AXDND1: variants seen among roughly 807,000 people sequenced by gnomAD.
AXDND1 encodes axonemal dynein light chain domain containing 1.
In AXDND1, 110 loss-of-function variants were observed where a neutral mutation model predicts 137.5. The ratio of observed to expected loss-of-function variants is 0.80; its 90% CI spans 0.69 to 0.94. The LOEUF is 0.94. Ranked by LOEUF, AXDND1 falls within the 40% of genes least tolerant of loss-of-function variation. The pLI, the probability that AXDND1 is intolerant of heterozygous loss-of-function variation, is 0.00. For missense variants in AXDND1, 1,191 were observed against 1,169.8 expected (o/e 1.02, Z -0.26); for synonymous variants, 414 against 399.7 (o/e 1.04, Z -0.43).
chr1:179,430,624 T>C lies in AXDND1; in HGVS notation c.1487+18T>C. The C allele has an allele frequency of 6.2e-7, 1 of 1,600,746 alleles. No individual in the cohort carries two copies. The highest frequency in any genetic ancestry group is 1.1e-5 in the South Asian group (1 of 89,428). On this transcript the variant is annotated intron_variant, in intron 14 of 25. Coordinates refer to ENST00000367618, the MANE Select transcript of AXDND1 (RefSeq NM_144696.6). ...TTCTTCAAGTGAGTCACCAAGAATC[T>C]TGTTTTTCTGATTATACTTATGTCT... is the stretch of plus-strand genomic sequence containing the variant.
At chr1:179,472,998 T>G (rs975603313) in intron 17 of AXDND1, among the ~76,000 whole-genome samples, 4 of 152,138 alleles carry the variant, frequency 2.6e-5, no homozygotes, top group African/African-American at 9.6e-5. Context: ...TCCATTTACC[T>G]TTAAAGATAT....
At chr1:179,551,094 A>C in intron 25 of AXDND1, 2 of 1,574,510 alleles carry the variant, frequency 1.3e-6, no homozygotes, top group South Asian at 1.1e-5. Context: ...AGGGCAGGGA[A>C]TGAGGACAGA....
At chr1:179,509,256 G>A (rs747322598) in intron 20 of AXDND1, 40 bp from the exon 21 acceptor site, 2 of 1,329,546 alleles carry the variant, frequency 1.5e-6, no homozygotes, top group African/African-American at 2.9e-5. Context: ...GTGAATAAAT[G>A]AGCTGGTTTT....
At chr1:179,538,676 G>T (rs1671788343) in intron 25 of AXDND1, among the ~76,000 whole-genome samples, 1 of 152,172 alleles carries the variant, frequency 6.6e-6, no homozygotes, top group Non-Finnish European at 1.5e-5. Flanking sequence ...CTATTGATTT[G>T]GGATGGAGAA....
In AXDND1 at chr1:179,526,068, A is replaced by AT. The variant is rs1421031791; in HGVS notation, c.2610+628dup. 4.0e-5 allele frequency among the ~76,000 whole-genome samples: 6 copies of AT among 151,752 alleles called. No homozygotes were observed. The East Asian group carries it at 9.7e-4, about 25-fold the overall frequency. ...ACAATCTACTTCTCACTCTGGTACT[A>AT]TTTTTTTAGCCCTTCATTGCCACAT... On this transcript the variant is annotated intron_variant, in intron 22 of 25. Transcript: ENST00000367618.
intron 2 of AXDND1, among the ~76,000 whole-genome samples, chr1:179,367,319 C>T (rs1571492353): frequency 6.6e-6 from 1 of 152,132 alleles, no homozygotes; most frequent in East Asian, 1.9e-4. Context: ...AGATTGAGAC[C>T]ATTCTGGCCA....
chr1:179,380,335 G>C (rs1476448773), intron 6 of AXDND1, among the ~76,000 whole-genome samples: 2 of 152,070 alleles, frequency 1.3e-5, no homozygotes, highest in Non-Finnish European at 2.9e-5. Context: ...GGATGTTAGT[G>C]ATTAAATTAT....
chr1:179,486,128 A>AG, intron 18 of AXDND1, among the ~76,000 whole-genome samples: 1 of 105,304 alleles, frequency 9.5e-6, no homozygotes, highest in Admixed American at 1.1e-4. Flanking sequence ...TCAAAAAAAA[A>AG]AAAAAAAAAA....
At chr1:179,407,771 G>A (rs1405005332) in intron 11 of AXDND1, among the ~76,000 whole-genome samples, 3 of 152,126 alleles carry the variant, frequency 2.0e-5, no homozygotes, top group East Asian at 3.9e-4. Context: ...TGAGCTTCTT[G>A]TATCTGGATG....
intron 21 of AXDND1, among the ~76,000 whole-genome samples, chr1:179,511,360 TG>T (rs1233875812): frequency 6.6e-6 from 1 of 150,568 alleles, no homozygotes; most frequent in Non-Finnish European, 1.5e-5. Flanking sequence ...CACATATATA[TG>T]GTATAATATA....
At chr1:179,415,476 A>G (rs1293588663) in intron 12 of AXDND1, among the ~76,000 whole-genome samples, 1 of 152,198 alleles carries the variant, frequency 6.6e-6, no homozygotes, top group African/African-American at 2.4e-5. Flanking sequence ...ATTACATGAG[A>G]ATTTTCAAAA....
At chr1:179,423,197 C>CT (rs1656033697) in intron 12 of AXDND1, among the ~76,000 whole-genome samples, 1 of 87,316 alleles carries the variant, frequency 1.1e-5, no homozygotes, top group Admixed American at 1.2e-4. Flanking sequence ...TATATAGTAA[C>CT]CTTTTTTTTT....
chr1:179,445,290 AAAGT>A, intron 16 of AXDND1, 86 bp downstream of exon 16: 1 of 1,001,164 alleles, frequency 1.0e-6, no homozygotes, highest in East Asian at 2.7e-5. Context: ...ATTTAAAATA[AAAGT>A]AATAAATCCA....
intron 16 of AXDND1, among the ~76,000 whole-genome samples, chr1:179,464,590 G>T (rs1180785582): frequency 6.6e-6 from 1 of 151,980 alleles, no homozygotes; most frequent in African/African-American, 2.4e-5. Context: ...ACAATTATGT[G>T]TTTTGGAGTT....
intron 16 of AXDND1, among the ~76,000 whole-genome samples, chr1:179,467,124 TC>T (rs1264414069): frequency 5.3e-5 from 8 of 152,118 alleles, no homozygotes; most frequent in African/African-American, 1.9e-4. Context: ...TCCTCCAAAA[TC>T]CATGAAAGAT....
intron 18 of AXDND1, among the ~76,000 whole-genome samples, chr1:179,488,637 T>TTCTTTCTTTCTTTC (rs1553292159): frequency 0.012 from 280 of 23,380 alleles, 37 homozygotes; most frequent in African/African-American, 0.017. Context: ...TCTCTCTCCT[T>TTCTTTCTTTCTTTC]TCTTTCTTTC....
chr1:179,466,694 G>T (rs903761454), intron 16 of AXDND1, among the ~76,000 whole-genome samples: 4 of 151,946 alleles, frequency 2.6e-5, no homozygotes, highest in African/African-American at 4.8e-5. Context: ...TTTATTTTCT[G>T]TATTTTTGTC....
At chr1:179,368,510 G>T (rs932015259) in intron 2 of AXDND1, among the ~76,000 whole-genome samples, 13 of 152,154 alleles carry the variant, frequency 8.5e-5, no homozygotes, top group African/African-American at 3.1e-4. Context: ...CTGAGCAAGT[G>T]AAATGAGTTT....
At chr1:179,408,038 A>G (rs1653253071) in intron 11 of AXDND1, among the ~76,000 whole-genome samples, 1 of 152,176 alleles carries the variant, frequency 6.6e-6, no homozygotes, top group Admixed American at 6.5e-5. Flanking sequence ...TCTACTTGAT[A>G]TAGTCTATTG....
Sources: allele counts gnomAD v4.1 joint callset (sites outside exome capture counted in the v4.1 genomes callset), GRCh38; gene constraint gnomAD v4.1.1; transcripts MANE v1.5; gene names NCBI Gene and HGNC (gene_info 2026-07-23, HGNC 2026-07-21).